The following PTCSC3 variants were observed in gnomAD, a reference collection of about 807,000 sequenced individuals.
PTCSC3 encodes papillary thyroid carcinoma susceptibility candidate 3 (non-protein coding).
chr14:36,135,036 A>G (rs1881254745), downstream of PTCSC3, among the ~76,000 whole-genome samples: 1 of 152,232 alleles, frequency 6.6e-6, no homozygotes, highest in Admixed American at 6.5e-5. Context: ...GAAGAAGTAC[A>G]GTCCATTTCT....
intron 3 of PTCSC3, among the ~76,000 whole-genome samples, chr14:36,139,350 A>G (rs1489614724): frequency 2.6e-5 from 4 of 152,236 alleles, no homozygotes; most frequent in Non-Finnish European, 5.9e-5. Context: ...GATGTAAAAC[A>G]GCATATAGTG....
intron 1 of PTCSC3, among the ~76,000 whole-genome samples, chr14:36,172,933 T>C (rs1882215438): frequency 6.6e-6 from 1 of 151,300 alleles, no homozygotes; most frequent in Non-Finnish European, 1.5e-5. Flanking sequence ...CATAAAAACT[T>C]AAAACTTGCT....
In PTCSC3 at chr14:36,140,059, A is replaced by C. The variant is rs1881384104; in HGVS notation, n.323-3703T>G. Reference sequence around the variant, plus strand: ...TTCCCTCTATTGTTTTACGTTTTCTAAGATGTCATGTAGTTGGAATGACAG... The same window carrying C: ...TTCCCTCTATTGTTTTACGTTTTCTCAGATGTCATGTAGTTGGAATGACAG... On this transcript the variant is annotated intron_variant and non_coding_transcript_variant, in intron 3 of 3. Transcript: ENST00000556013. Among the ~76,000 whole-genome samples the C allele has an allele frequency of 2.0e-5, 3 of 152,318 alleles. No homozygotes were observed. The South Asian group carries it at 6.2e-4, about 32-fold the overall frequency.
intron 1 of PTCSC3, among the ~76,000 whole-genome samples, chr14:36,164,651 T>C (rs1882048405): frequency 6.6e-6 from 1 of 152,178 alleles, no homozygotes; most frequent in South Asian, 2.1e-4. Context: ...TTTTCATACA[T>C]AGACAGATAA....
chr14:36,176,010 G>A (rs954732783), intron 1 of PTCSC3, among the ~76,000 whole-genome samples: 1 of 152,140 alleles, frequency 6.6e-6, no homozygotes, highest in Non-Finnish European at 1.5e-5. Context: ...ACAAATGTGG[G>A]TAGCAAATAG....
intron 1 of PTCSC3, chr14:36,165,028 C>CG (rs1257539922): frequency 6.6e-6 from 1 of 152,122 alleles, no homozygotes. Context: ...TGGGGGTATC[C>CG]GGGGGAATAA....
intron 1 of PTCSC3, among the ~76,000 whole-genome samples, chr14:36,168,360 AATATATATATATAT>A (rs147400390): frequency 0.083 from 9,485 of 113,796 alleles, 667 homozygotes; most frequent in South Asian, 0.26. Flanking sequence ...ATTGATTCTG[AATATATATATATAT>A]ATATATATAT....
intron 2 of PTCSC3, among the ~76,000 whole-genome samples, chr14:36,160,022 T>C (rs945001835): frequency 6.6e-5 from 10 of 152,204 alleles, no homozygotes; most frequent in Non-Finnish European, 4.4e-5. Context: ...TTAAAGTCTG[T>C]TTTATCAGAG....
intron 3 of PTCSC3, among the ~76,000 whole-genome samples, chr14:36,150,358 A>T (rs1453471982): frequency 6.6e-6 from 1 of 152,134 alleles, no homozygotes; most frequent in Non-Finnish European, 1.5e-5. Flanking sequence ...ACCCTGAAAC[A>T]AGGTACCCTG....
chr14:36,144,013 T>C (rs534833045), intron 3 of PTCSC3, among the ~76,000 whole-genome samples: 1 of 152,320 alleles, frequency 6.6e-6, no homozygotes, highest in African/African-American at 2.4e-5. Flanking sequence ...GTTCCATTGA[T>C]CTATATATCT....
intron 1 of PTCSC3, among the ~76,000 whole-genome samples, chr14:36,176,093 C>T (rs1343211877): frequency 6.6e-6 from 1 of 152,112 alleles, no homozygotes; most frequent in African/African-American, 2.4e-5. Context: ...TACATATGTA[C>T]ATAATGTCAT....
chr14:36,148,540 C>T (rs1026372346), intron 3 of PTCSC3, among the ~76,000 whole-genome samples: 1 of 152,240 alleles, frequency 6.6e-6, no homozygotes, highest in Non-Finnish European at 1.5e-5. Flanking sequence ...AGTGTGTGCA[C>T]CCACTGACCT....
intron 3 of PTCSC3, among the ~76,000 whole-genome samples, chr14:36,139,302 C>T (rs896642205): frequency 4.6e-5 from 7 of 152,154 alleles, no homozygotes; most frequent in Non-Finnish European, 7.4e-5. Context: ...TGAAAGAACA[C>T]GGATAAGCTC....
rs150139843 is a variant in PTCSC3 at position 36,141,239 on chromosome 14, A to G, written n.323-4883T>C. Among the ~76,000 whole-genome samples the G allele has an allele frequency of 3.1e-3, 474 of 152,148 alleles. 3 individuals are homozygous for G. Among genetic ancestry groups the G allele is most frequent in the African/African-American group, 0.011 (447 of 41,512 alleles). On this transcript the variant is annotated intron_variant and non_coding_transcript_variant, in intron 3 of 3. Coordinates refer to ENST00000556013, the Ensembl canonical transcript of PTCSC3. ...CTGAGTGTTTTGTTTTTCCATATAAACTTTAGAATCAATTTGTTGATATTC... is the reference window on the plus strand; with the variant it reads ...CTGAGTGTTTTGTTTTTCCATATAAGCTTTAGAATCAATTTGTTGATATTC...
exon 3 of PTCSC3, chr14:36,153,804 C>T (rs1197716156): frequency 5.3e-5 from 8 of 152,146 alleles, no homozygotes; most frequent in African/African-American, 1.4e-4. Context: ...GGTGCCTCAC[C>T]TGTAATTCCA....
In PTCSC3 at chr14:36,169,100, C is replaced by T. The variant is rs557516085; in HGVS notation, n.172-6417G>A. Among the ~76,000 whole-genome samples the T allele has an allele frequency of 5.3e-5, 8 of 152,144 alleles. No homozygotes were observed. In the South Asian group the frequency reaches 1.7e-3, roughly 32 times the overall value. The stretch of plus-strand genomic sequence containing the variant: ...CTTAAATCCCATAACTGGGTTAGTA[C>T]TAGAGGGGACCAAACCTGCTACTTG... On this transcript the variant is annotated intron_variant and non_coding_transcript_variant, in intron 1 of 3. Coordinates refer to ENST00000556013, the Ensembl canonical transcript of PTCSC3.
intron 3 of PTCSC3, among the ~76,000 whole-genome samples, chr14:36,139,778 G>A (rs550590003): frequency 2.4e-4 from 36 of 152,220 alleles, no homozygotes; most frequent in Non-Finnish European, 3.2e-4. Context: ...TGGTTTCAGC[G>A]TCTTGCATTA....
chr14:36,145,143 T>A (rs1370668259), intron 3 of PTCSC3, among the ~76,000 whole-genome samples: 2 of 139,498 alleles, frequency 1.4e-5, no homozygotes, highest in African/African-American at 2.8e-5. Context: ...TGTCTCTGCC[T>A]GGCTTTGGTA....
intron 1 of PTCSC3, among the ~76,000 whole-genome samples, chr14:36,165,750 G>T (rs1353406817): frequency 2.5e-4 from 36 of 141,980 alleles, no homozygotes; most frequent in Non-Finnish European, 6.0e-5. Flanking sequence ...TGTAGGAATT[G>T]GTGGTGTCTT....
Sources: allele counts gnomAD v4.1 joint callset (sites outside exome capture counted in the v4.1 genomes callset), GRCh38; gene constraint gnomAD v4.1.1; transcripts MANE v1.5; gene names NCBI Gene and HGNC (gene_info 2026-07-23, HGNC 2026-07-21).